PIGL: variants seen among roughly 807,000 people sequenced by gnomAD.
PIGL encodes N-acetylglucosaminyl-phosphatidylinositol de-N-acetylase.
Under a neutral mutation model 31.1 loss-of-function variants are expected in PIGL, and 22 were observed. The ratio of observed to expected loss-of-function variants is 0.71; its 90% confidence interval spans 0.51 to 1.01. PIGL has a LOEUF of 1.01. PIGL is among the 50% of genes least tolerant of loss of function. The pLI is 0.00. For synonymous variants in PIGL, 131 were observed against 117.4 expected (o/e 1.12, Z -0.75); for missense variants, 302 against 315.9 (o/e 0.96, Z 0.33).
intron 3 of PIGL, among the ~76,000 whole-genome samples, chr17:16,306,554 G>T (rs2093027357): frequency 1.5e-5 from 2 of 131,808 alleles, no homozygotes; most frequent in Non-Finnish European, 3.2e-5. Flanking sequence ...TTGAGATAGA[G>T]TTTCCCTCTT....
intron 3 of PIGL, among the ~76,000 whole-genome samples, chr17:16,308,963 T>A (rs1234911063): frequency 6.6e-6 from 1 of 152,000 alleles, no homozygotes; most frequent in Non-Finnish European, 1.5e-5. Context: ...ATTAAAAAAA[T>A]TTCTTTCTGT....
At chr17:16,224,750 A>G (rs985669593) in intron 1 of PIGL, among the ~76,000 whole-genome samples, 1 of 150,932 alleles carries the variant, frequency 6.6e-6, no homozygotes, top group South Asian at 2.1e-4. Context: ...TCCACCTCCC[A>G]GGTTCAAGCG....
intron 2 of PIGL, among the ~76,000 whole-genome samples, chr17:16,271,693 A>G (rs969272510): frequency 4.0e-5 from 6 of 151,878 alleles, no homozygotes; most frequent in Non-Finnish European, 7.4e-5. Flanking sequence ...CACCACACCC[A>G]GCTAATTTTT....
rs928857029 is a variant in PIGL, at chr17:16,227,354, G to A, written c.236-6617G>A. 3.0e-4 allele frequency among the ~76,000 whole-genome samples: 45 copies of A among 151,676 alleles called. 1 individual carries two copies. The highest frequency in any genetic ancestry group is 9.2e-4 in the Admixed American group (14 of 15,198). ...TCAAACTCCTGACCTCAAGTAATCC[G>A]CCTGCCTTGGCCTCCCAAAGTGCTG... On this transcript the variant is annotated intron_variant, in intron 1 of 6. Coordinates refer to ENST00000225609, the MANE Select transcript of PIGL (RefSeq NM_004278.4).
chr17:16,305,243 C>T (rs992627053), intron 3 of PIGL, among the ~76,000 whole-genome samples: 3 of 152,078 alleles, frequency 2.0e-5, no homozygotes, highest in Non-Finnish European at 2.9e-5. Context: ...GATCACGTCA[C>T]GTCACTGCAC....
rs1302970462 is a variant in PIGL at position 16,317,715 on chromosome 17, G to A, written c.527-60G>A. The A allele has an allele frequency of 6.2e-6, 10 of 1,608,320 alleles. No individual in the cohort carries two copies. The East Asian group carries it at 1.8e-4, about 29-fold the overall frequency. On this transcript the variant is annotated intron_variant, in intron 5 of 6. Transcript: ENST00000225609. ...CACAGGGTAGAGGGAGGATGCTCAG[G>A]GGAAAATCTGGCTGGAGGCCTCAAG...
intron 2 of PIGL, among the ~76,000 whole-genome samples, chr17:16,293,892 G>A (rs1241848822): frequency 1.3e-5 from 2 of 152,206 alleles, no homozygotes; most frequent in African/African-American, 2.4e-5. Context: ...ATAGTTGGTA[G>A]AGGAGTTCAG....
intron 3 of PIGL, chr17:16,312,531 G>A: frequency 6.3e-6 from 1 of 159,970 alleles, no homozygotes; most frequent in South Asian, 1.3e-4. Context: ...CGGCCGGGCA[G>A]AGGCTGCAAT....
rs536125583 is a variant in PIGL, at chr17:16,232,019, T to C, written c.236-1952T>C. On this transcript the variant is annotated intron_variant, in intron 1 of 6. Transcript: ENST00000225609. ...ATGGCTGAGCACTGTGGCTCACTCC[T>C]GTAATCCCTTCACTTTGGGAGGCAG... 7.9e-5 allele frequency among the ~76,000 whole-genome samples: 12 copies of C among 152,220 alleles called. No individual in the cohort carries two copies. In the South Asian group the frequency reaches 2.5e-3, roughly 32 times the overall value.
rs2092583774 is a variant in PIGL, at chr17:16,217,284, T to G, written c.58T>G (p.Trp20Gly). The change falls in exon 1 of 7, where the codon TGG becomes GGG. Residue 20 changes from tryptophan to glycine, a missense_variant. By Grantham distance (184) the Trp-to-Gly change is radical (BLOSUM62 -2). Transcript: ENST00000225609. ...ALAVLAWGFL[W>G]VWDSSERMKS... ...GGCGGTCTTGGCATGGGGCTTCCTC[T>G]GGGTTTGGGACTCCTCAGAACGAAT... 2.5e-6 allele frequency: 4 copies of G among 1,614,122 alleles called. No homozygotes were observed. In the East Asian group the frequency reaches 8.9e-5, roughly 36 times the overall value.
chr17:16,313,686 A>C, intron 4 of PIGL, 72 bp downstream of exon 4: 2 of 1,216,792 alleles, frequency 1.6e-6, no homozygotes, highest in Non-Finnish European at 2.4e-6. Flanking sequence ...TTAAAGTCTA[A>C]AGCACTTTCC....
chr17:16,262,429 TG>T (rs1254596334), intron 2 of PIGL, among the ~76,000 whole-genome samples: 2 of 152,144 alleles, frequency 1.3e-5, no homozygotes, highest in African/African-American at 4.8e-5. Flanking sequence ...AAAGTGTTCG[TG>T]TGAATGCTGA....
chr17:16,219,580 C>CTTTTTTTTTTTTTTTTTTTTT (rs1373854424), intron 1 of PIGL, among the ~76,000 whole-genome samples: 1 of 150,802 alleles, frequency 6.6e-6, no homozygotes, highest in African/African-American at 2.4e-5. Context: ...GTTTAGTTTT[C>CTTTTTTTTTTTTTTTTTTTTT]TTTTTGAGAT....
At chr17:16,316,540 G>A in intron 4 of PIGL, 141 bp from the exon 5 acceptor site, 1 of 739,722 alleles carries the variant, frequency 1.4e-6, no homozygotes, top group African/African-American at 1.7e-5. Flanking sequence ...AATCTATACA[G>A]TGATTTATGC....
chr17:16,265,473 TGGCTCA>T (rs1295803306), intron 2 of PIGL, among the ~76,000 whole-genome samples: 2 of 152,058 alleles, frequency 1.3e-5, no homozygotes, highest in African/African-American at 4.8e-5. Context: ...CCAGGCGCGG[TGGCTCA>T]TGCCTGTAAT....
intron 2 of PIGL, among the ~76,000 whole-genome samples, chr17:16,238,437 C>CTTTTTTTTT (rs1168033433): frequency 7.8e-6 from 1 of 127,750 alleles, no homozygotes. Flanking sequence ...TTCTTTTTTT[C>CTTTTTTTTT]TTTTTTTTTT....
intron 2 of PIGL, among the ~76,000 whole-genome samples, chr17:16,287,644 G>A (rs1055118095): frequency 1.3e-5 from 2 of 152,192 alleles, no homozygotes; most frequent in African/African-American, 4.8e-5. Flanking sequence ...TTTTGACTGA[G>A]AAGTCAGAAG....
intron 1 of PIGL, among the ~76,000 whole-genome samples, chr17:16,218,863 G>C (rs2092612011): frequency 6.6e-6 from 1 of 150,790 alleles, no homozygotes; most frequent in Admixed American, 6.6e-5. Flanking sequence ...ATTTTTAGTA[G>C]AGATGAGGTT....
At position 16,301,325 on chromosome 17, in the gene PIGL, C is replaced by T. The variant is rs140328565; in HGVS notation, c.426+1347C>T. On this transcript the variant is annotated intron_variant, in intron 3 of 6. Coordinates refer to ENST00000225609, the MANE Select transcript of PIGL (RefSeq NM_004278.4). ...CATCGCCCAGGCTGGAGTGCAGTGGCGGGATCTCGGCTCACTGCAACCTCC... is the reference window on the plus strand; with the variant it reads ...CATCGCCCAGGCTGGAGTGCAGTGGTGGGATCTCGGCTCACTGCAACCTCC... Among the ~76,000 whole-genome samples, 662 of 149,312 alleles carry T rather than the reference C, an allele frequency of 4.4e-3. 7 individuals are homozygous for T. The highest frequency in any genetic ancestry group is 0.016 in the African/African-American group (632 of 40,504).
Sources: allele counts gnomAD v4.1 joint callset (sites outside exome capture counted in the v4.1 genomes callset), GRCh38; gene constraint gnomAD v4.1.1; transcripts MANE v1.5; gene names NCBI Gene and HGNC (gene_info 2026-07-23, HGNC 2026-07-21).